Variants in FAM117B observed in about 807,000 individuals in gnomAD.
The protein encoded by FAM117B is family with sequence similarity 117 member B.
A neutral mutation model predicts 52.8 loss-of-function variants in FAM117B; 22 were observed. That is an observed-to-expected ratio of 0.42 (90% CI 0.30 to 0.59). The LOEUF (loss-of-function observed/expected upper bound fraction) is 0.59. Ranked by LOEUF, FAM117B falls within the 20% of genes least tolerant of loss-of-function variation. FAM117B has a pLI of 0.22. For synonymous variants in FAM117B, 309 were observed against 324.1 expected, an observed-to-expected ratio of 0.95 and a Z score of 0.50; for missense variants, 678 against 802.6, an observed-to-expected ratio of 0.84 and a Z score of 1.88.
At position 202,635,572 on chromosome 2, in the gene FAM117B, G is replaced by T; in HGVS notation, c.385G>T (p.Ala129Ser). 1 of 1,232,014 alleles carries T rather than the reference G, an allele frequency of 8.1e-7. No homozygotes were observed. Among genetic ancestry groups the T allele is most frequent in the East Asian group, 3.5e-5 (1 of 28,826 alleles). The allele number at this position is 1,232,014 out of a possible 1,614,324, so 76.3% of individuals were successfully genotyped here. A position where few individuals can be genotyped will look rare whatever the true frequency, so the allele number is the denominator to read the frequency against. Residue 129 changes from alanine to serine, a missense_variant, in exon 1 of 8, where the codon GCC becomes TCC. Physicochemically the swap from Ala to Ser is moderately conservative, Grantham distance 99. Around this residue, in one of 3 missense-constraint regions of FAM117B, gnomAD observed 583 missense variants for 644.8 expected, o/e 0.90. Coordinates refer to ENST00000392238, the MANE Select transcript of FAM117B (RefSeq NM_173511.4). The stretch of plus-strand genomic sequence containing the variant: ...GCGAGGCACCAGCCCCACGCGCAGC[G>T]CCGCGCCTGGAGCTCGCGGGAGCCC... ...STRGTSPTRS[A>S]APGARGSPPR... is the part of the protein sequence containing the mutation.
chr2:202,686,521 G>T (rs1200390811), intron 1 of FAM117B, among the ~76,000 whole-genome samples: 3 of 152,158 alleles, frequency 2.0e-5, no homozygotes, highest in Non-Finnish European at 2.9e-5. Flanking sequence ...CCATCGGTAG[G>T]CTATTAGAGG....
In FAM117B at chr2:202,739,307, G is replaced by A. The variant is rs575742806; in HGVS notation, c.960+12944G>A. 4.8e-3 allele frequency among the ~76,000 whole-genome samples: 729 copies of A among 152,232 alleles called. 5 individuals carry two copies. The highest frequency in any genetic ancestry group is 0.017 in the African/African-American group (686 of 41,528). On this transcript the variant is annotated intron_variant, in intron 4 of 7. Coordinates refer to ENST00000392238, the MANE Select transcript of FAM117B (RefSeq NM_173511.4). The stretch of plus-strand genomic sequence containing the variant: ...CCAAAGCATCATTTTTAATGGTCCT[G>A]TGGTATATCATATTATGGATATTCT...
intron 1 of FAM117B, among the ~76,000 whole-genome samples, chr2:202,658,732 G>A (rs1192046765): frequency 6.6e-6 from 1 of 152,080 alleles, no homozygotes; most frequent in Non-Finnish European, 1.5e-5. Context: ...ATAATCACTG[G>A]AATCATTGTT....
At chr2:202,674,824 T>G (rs1402329055) in intron 1 of FAM117B, among the ~76,000 whole-genome samples, 5 of 152,206 alleles carry the variant, frequency 3.3e-5, no homozygotes, top group Admixed American at 1.3e-4. Context: ...TCATATTGCA[T>G]GGTCTTTTTG....
rs145385298 is a variant in FAM117B, at chr2:202,642,541, G to C, written c.601+6753G>C. On this transcript the variant is annotated intron_variant, in intron 1 of 7. Transcript: ENST00000392238. ...AGTTGAGGGTGATAGTTTGGATGGT[G>C]GTTCTAATTGATAACAGTGAGGAGA... Among the ~76,000 whole-genome samples the C allele has an allele frequency of 3.6e-3, 541 of 152,064 alleles. 6 individuals carry two copies. The highest frequency in any genetic ancestry group is 0.012 in the African/African-American group (505 of 41,470).
chr2:202,736,472 T>C (rs1372635828), intron 4 of FAM117B, among the ~76,000 whole-genome samples: 2 of 152,108 alleles, frequency 1.3e-5, no homozygotes, highest in Non-Finnish European at 2.9e-5. Context: ...AAACAAGTTT[T>C]TGGCTGGGCG....
At chr2:202,736,617 C>T (rs1392050813) in intron 4 of FAM117B, among the ~76,000 whole-genome samples, 1 of 152,058 alleles carries the variant, frequency 6.6e-6, no homozygotes, top group Non-Finnish European at 1.5e-5. Flanking sequence ...AAAAAATTAG[C>T]CAGGTGTGGT....
At chr2:202,706,587 T>C (rs915233486) in intron 2 of FAM117B, among the ~76,000 whole-genome samples, 1 of 152,236 alleles carries the variant, frequency 6.6e-6, no homozygotes, top group African/African-American at 2.4e-5. Context: ...ATCTACAAAC[T>C]TGTTTACAGG....
At chr2:202,744,508 C>A (rs1330970809) in intron 4 of FAM117B, among the ~76,000 whole-genome samples, 1 of 152,118 alleles carries the variant, frequency 6.6e-6, no homozygotes, top group Non-Finnish European at 1.5e-5. Context: ...CAGATTTCAA[C>A]ATGAGGTTTG....
At chr2:202,650,055 A>G (rs568927245) in intron 1 of FAM117B, among the ~76,000 whole-genome samples, 1 of 151,356 alleles carries the variant, frequency 6.6e-6, no homozygotes, top group South Asian at 2.1e-4. Flanking sequence ...TTGGATTTTT[A>G]GTAGACACGG....
intron 4 of FAM117B, among the ~76,000 whole-genome samples, chr2:202,749,945 T>C (rs908651638): frequency 6.6e-6 from 1 of 152,022 alleles, no homozygotes; most frequent in African/African-American, 2.4e-5. Context: ...TAAAGGTGAG[T>C]GTATTAGTCT....
chr2:202,730,970 A>C (rs1212616821), intron 4 of FAM117B, among the ~76,000 whole-genome samples: 7 of 152,224 alleles, frequency 4.6e-5, no homozygotes, highest in Non-Finnish European at 1.0e-4. Context: ...CCCACAGAAT[A>C]GGATAACCCA....
intron 5 of FAM117B, among the ~76,000 whole-genome samples, chr2:202,756,854 AC>A (rs1470561309): frequency 7.9e-5 from 12 of 152,092 alleles, no homozygotes; most frequent in Non-Finnish European, 1.5e-4. Context: ...ATGATGAATA[AC>A]CTTTTTCCTC....
Position 202,698,384 on chromosome 2 carries a change from C to T in FAM117B, c.753+2352C>T, listed in dbSNP as rs114307136. Among the ~76,000 whole-genome samples, 571 of 152,256 alleles carry T rather than the reference C, an allele frequency of 3.8e-3. 6 individuals carry two copies. The highest frequency in any genetic ancestry group is 0.013 in the African/African-American group (532 of 41,558). On this transcript the variant is annotated intron_variant, in intron 2 of 7. Transcript: ENST00000392238. ...AACTACAGAAATGAAAATGTAGACTCTGTACTCATCAAAAGTAATGAATCT... is the reference window on the plus strand; with the variant it reads ...AACTACAGAAATGAAAATGTAGACTTTGTACTCATCAAAAGTAATGAATCT...
intron 1 of FAM117B, among the ~76,000 whole-genome samples, chr2:202,638,528 C>T (rs929589514): frequency 1.3e-5 from 2 of 151,994 alleles, no homozygotes; most frequent in African/African-American, 2.4e-5. Context: ...TAGATCATCC[C>T]GTAGAGTATT....
intron 1 of FAM117B, 121 bp downstream of exon 1, chr2:202,635,909 T>G: frequency 8.7e-5 from 62 of 709,480 alleles, no homozygotes; most frequent in South Asian, 2.1e-4. Flanking sequence ...GGGGCGGGGC[T>G]GGGGGCGGTG....
At chr2:202,714,595 G>C (rs1430027146) in intron 2 of FAM117B, among the ~76,000 whole-genome samples, 1 of 144,812 alleles carries the variant, frequency 6.9e-6, no homozygotes, top group African/African-American at 2.6e-5. Flanking sequence ...ATTTGGCAGG[G>C]TCATAGGACA....
At chr2:202,696,544 A>G (rs1690714945) in intron 2 of FAM117B, among the ~76,000 whole-genome samples, 1 of 152,232 alleles carries the variant, frequency 6.6e-6, no homozygotes, top group Non-Finnish European at 1.5e-5. Flanking sequence ...GGTTTACAAT[A>G]TCATAATATA....
intron 2 of FAM117B, among the ~76,000 whole-genome samples, chr2:202,722,375 G>A (rs979010159): frequency 2.6e-5 from 4 of 152,138 alleles, no homozygotes; most frequent in East Asian, 1.9e-4. Context: ...TCTGAACCAC[G>A]CATACTATGC....
Sources: allele counts gnomAD v4.1 joint callset (sites outside exome capture counted in the v4.1 genomes callset), GRCh38; gene constraint gnomAD v4.1.1; regional missense constraint gnomAD v4.1.1; transcripts MANE v1.5; gene names NCBI Gene and HGNC (gene_info 2026-07-23, HGNC 2026-07-21).